TNRC6B: variants seen among roughly 807,000 people sequenced by gnomAD.
TNRC6B encodes the protein trinucleotide repeat-containing gene 6B protein.
A neutral mutation model predicts 203.6 loss-of-function variants in TNRC6B; 52 were observed. That is an observed-to-expected ratio of 0.26 (90% confidence interval 0.20 to 0.32). The LOEUF (loss-of-function observed/expected upper bound fraction) is 0.32. Ranked by LOEUF, TNRC6B falls within the 10% of genes least tolerant of loss-of-function variation. TNRC6B has a pLI of 1.00. For synonymous variants in TNRC6B, 838 were observed against 845.7 expected, an observed-to-expected ratio of 0.99 and a Z score of 0.16; for missense variants, 1,923 against 2,286.2, an observed-to-expected ratio of 0.84 and a Z score of 3.24.
At chr22:40,138,539 T>A (rs1397583573) in intron 3 of TNRC6B, among the ~76,000 whole-genome samples, 1 of 152,234 alleles carries the variant, frequency 6.6e-6, no homozygotes, top group Non-Finnish European at 1.5e-5. Context: ...GTGCTGGGAT[T>A]ACAGGCATGA....
intron 1 of TNRC6B, among the ~76,000 whole-genome samples, chr22:40,230,544 G>A (rs1316996823): frequency 2.6e-5 from 4 of 151,944 alleles, no homozygotes; most frequent in South Asian, 2.1e-4. Flanking sequence ...CACTCACATC[G>A]GCCTCCAAGA....
At chr22:40,074,213 C>T (rs1207847723) in intron 1 of TNRC6B, among the ~76,000 whole-genome samples, 2 of 124,568 alleles carry the variant, frequency 1.6e-5, no homozygotes, top group Non-Finnish European at 3.2e-5. Context: ...GCCTCGGTGA[C>T]AGAGTGAAGG....
chr22:40,054,826 C>A (rs776877539), intron 1 of TNRC6B, among the ~76,000 whole-genome samples: 1 of 151,776 alleles, frequency 6.6e-6, no homozygotes, highest in Non-Finnish European at 1.5e-5. Flanking sequence ...TCACTTGAGT[C>A]CAGGAGTTCG....
chr22:40,121,472 C>G (rs2068444920), intron 2 of TNRC6B, among the ~76,000 whole-genome samples: 1 of 152,230 alleles, frequency 6.6e-6, no homozygotes, highest in African/African-American at 2.4e-5. Context: ...TCCCTGAAGT[C>G]TAATCTTTCC....
intron 1 of TNRC6B, among the ~76,000 whole-genome samples, chr22:40,226,051 T>C (rs1246888004): frequency 6.6e-6 from 1 of 152,240 alleles, no homozygotes; most frequent in African/African-American, 2.4e-5. Flanking sequence ...TAATTTTAGT[T>C]GAAGAATTGG....
chr22:40,224,914 G>C (rs889427631), intron 1 of TNRC6B, among the ~76,000 whole-genome samples: 1 of 152,224 alleles, frequency 6.6e-6, no homozygotes, highest in Non-Finnish European at 1.5e-5. Context: ...GGTGCTTGAT[G>C]TGGAGGAGGA....
intron 18 of TNRC6B, 93 bp downstream of exon 18, chr22:40,312,744 G>A (rs2071202933): frequency 2.0e-6 from 3 of 1,514,602 alleles, no homozygotes; most frequent in East Asian, 4.5e-5. Context: ...GTACCTAAAA[G>A]TTTAACCAAA....
In TNRC6B at chr22:40,331,480, AGAG is replaced by A. The variant is rs1390856096; in HGVS notation, c.*8243_*8245del. The stretch of plus-strand genomic sequence containing the variant: ...CCATGATTCCTCAGAGCTCCCCCAA[AGAG>A]GAGAACAGTCCCTCCCACTCGATTC... On this transcript the variant is annotated 3_prime_UTR_variant, in exon 23 of 23. Transcript: ENST00000454349. 2.8e-6 allele frequency: 1 copy of A among 361,882 alleles called. No individual in the cohort carries two copies. 22.4% of individuals were successfully genotyped at this position (361,882 alleles called of 1,614,324 possible).
chr22:40,328,652 A>G lies in TNRC6B; in HGVS notation c.*5411A>G, dbSNP rs1156593229. The G allele has an allele frequency of 2.0e-5, 3 of 152,150 alleles. No homozygotes were observed. The highest frequency in any genetic ancestry group is 6.5e-5 in the Admixed American group (1 of 15,278). 9.4% of individuals were successfully genotyped at this position (152,150 alleles called of 1,614,324 possible). On this transcript the variant is annotated 3_prime_UTR_variant, in exon 23 of 23. Transcript: ENST00000454349. ...TATTCTGCCATCTTGACTCTTCTCT[A>G]AAACAGAATGAAAATGTCTGCATGC...
At chr22:40,046,839 G>T (rs1049501721) in intron 1 of TNRC6B, among the ~76,000 whole-genome samples, 1 of 151,896 alleles carries the variant, frequency 6.6e-6, no homozygotes, top group African/African-American at 2.4e-5. Context: ...TAGAGACGGC[G>T]TTTCACCATG....
intron 22 of TNRC6B, among the ~76,000 whole-genome samples, chr22:40,322,366 C>T (rs2071345320): frequency 6.6e-6 from 1 of 152,170 alleles, no homozygotes; most frequent in South Asian, 2.1e-4. Context: ...CTCCTTATCA[C>T]CAAAAGTCTG....
intron 3 of TNRC6B, among the ~76,000 whole-genome samples, chr22:40,151,078 T>C (rs1041269801): frequency 3.3e-5 from 5 of 152,056 alleles, no homozygotes; most frequent in Non-Finnish European, 4.4e-5. Context: ...AAAGAGGAAC[T>C]TGGAGGAAAC....
chr22:40,265,393 C>G lies in TNRC6B; in HGVS notation c.1163C>G (p.Pro388Arg). 1.2e-6 allele frequency: 2 copies of G among 1,613,956 alleles called. No homozygotes were observed. Among genetic ancestry groups the G allele is most frequent in the Non-Finnish European group, 8.5e-7 (1 of 1,179,886 alleles). The change falls in exon 5 of 23, where the codon CCC becomes CGC. Residue 388 changes from proline (P) to arginine (R), a missense_variant. Pro to Arg is a moderately radical substitution (Grantham distance 103). Coordinates refer to ENST00000454349, the MANE Select transcript of TNRC6B (RefSeq NM_001162501.2). ...TCCTTGAACTTAAGTTCACCAAACC[C>G]CATGGAGAATAAGGGAATGCCCTTT... ...TNSLNLSSPN[P>R]MENKGMPFGM...
intron 1 of TNRC6B, among the ~76,000 whole-genome samples, chr22:40,205,306 A>G (rs922923757): frequency 2.0e-5 from 3 of 152,254 alleles, no homozygotes; most frequent in Admixed American, 6.5e-5. Context: ...TTATCCATTA[A>G]TATAAGGTGA....
chr22:40,285,414 A>C (rs966453460), intron 11 of TNRC6B, among the ~76,000 whole-genome samples: 1 of 152,208 alleles, frequency 6.6e-6, no homozygotes, highest in Non-Finnish European at 1.5e-5. Flanking sequence ...ATATTTGATG[A>C]CATTGAACCC....
chr22:40,156,249 T>C, intron 4 of TNRC6B: 2 of 1,463,866 alleles, frequency 1.4e-6, no homozygotes, highest in Non-Finnish European at 9.4e-7. Flanking sequence ...TTCAACATGC[T>C]GATAAGCGTG....
rs1324281576 is a variant in TNRC6B, at chr22:40,324,676, G to A, written c.*1435G>A. On this transcript the variant is annotated 3_prime_UTR_variant, in exon 23 of 23. Transcript: ENST00000454349. Reference sequence around the variant, plus strand: ...TGACAGAAACGTTTACTTAACGAATGTTCTTAAACCAGTGTGTACTTCAAG... The same window carrying A: ...TGACAGAAACGTTTACTTAACGAATATTCTTAAACCAGTGTGTACTTCAAG... 3 of 152,636 alleles carry A rather than the reference G, an allele frequency of 2.0e-5. No individual in the cohort carries two copies. Among genetic ancestry groups the A allele is most frequent in the African/African-American group, 7.2e-5 (3 of 41,446 alleles). The allele number at this position is 152,636 out of a possible 1,614,324, so 9.5% of individuals were successfully genotyped here.
chr22:40,073,693 C>G (rs1285299307), intron 1 of TNRC6B, among the ~76,000 whole-genome samples: 2 of 151,892 alleles, frequency 1.3e-5, no homozygotes, highest in South Asian at 2.1e-4. Flanking sequence ...GCAGGTGGAT[C>G]TCTTAAGGCA....
chr22:40,211,893 CT>C (rs1248037662), intron 1 of TNRC6B, among the ~76,000 whole-genome samples: 1 of 152,212 alleles, frequency 6.6e-6, no homozygotes, highest in Non-Finnish European at 1.5e-5. Context: ...AGCCTGAACT[CT>C]TCGTATTACT....
Sources: gnomAD v4.1 joint callset for allele counts (sites outside exome capture counted in the v4.1 genomes callset) on GRCh38, gnomAD v4.1.1 for gene constraint, MANE v1.5 for transcripts, NCBI Gene and HGNC (gene_info 2026-07-23, HGNC 2026-07-21) for gene names.